The following TFEC variants were observed in gnomAD, a reference collection of about 807,000 sequenced individuals.
TFEC encodes transcription factor EC.
Under a neutral mutation model 41.6 loss-of-function variants are expected in TFEC, and 31 were observed. The observed-to-expected ratio is 0.74, with a 90% CI of 0.56 to 1.01. The LOEUF (loss-of-function observed/expected upper bound fraction) is 1.01. Ranked by LOEUF, TFEC falls within the 50% of genes least tolerant of loss-of-function variation. The pLI is 0.00. For missense variants in TFEC, 402 were observed against 404.1 expected, an observed-to-expected ratio of 0.99 and a Z score of 0.04; for synonymous variants, 143 against 140.6, an observed-to-expected ratio of 1.02 and a Z score of -0.12.
At chr7:115,958,456 G>C (rs146458515) in intron 3 of TFEC, among the ~76,000 whole-genome samples, 64 of 151,910 alleles carry the variant, frequency 4.2e-4, no homozygotes, top group Admixed American at 7.2e-4. Flanking sequence ...GAACAAAAAG[G>C]GAGTGAGGGG....
chr7:116,032,856 A>C (rs1030115827), upstream of TFEC, among the ~76,000 whole-genome samples: 1 of 152,162 alleles, frequency 6.6e-6, no homozygotes, highest in Non-Finnish European at 1.5e-5. Context: ...ATTTTTAAAA[A>C]TCATGCATGT....
At chr7:116,132,066 C>T (rs1046980844) in intron 1 of TFEC, among the ~76,000 whole-genome samples, 94 of 152,108 alleles carry the variant, frequency 6.2e-4, no homozygotes, top group African/African-American at 2.3e-3. Flanking sequence ...GAATGGTTGG[C>T]TTTTTTTCTT....
At chr7:116,121,979 G>A (rs986001856) in intron 1 of TFEC, among the ~76,000 whole-genome samples, 3 of 152,086 alleles carry the variant, frequency 2.0e-5, no homozygotes, top group African/African-American at 4.8e-5. Context: ...CTAATTTTCC[G>A]AACAGGTAAC....
chr7:115,968,571 C>T (rs1008319574), intron 3 of TFEC, among the ~76,000 whole-genome samples: 1 of 151,820 alleles, frequency 6.6e-6, no homozygotes, highest in African/African-American at 2.4e-5. Flanking sequence ...CTATGCACAA[C>T]CACGTCTCTG....
intron 3 of TFEC, among the ~76,000 whole-genome samples, chr7:116,100,297 A>G (rs935404007): frequency 2.0e-5 from 3 of 152,204 alleles, no homozygotes; most frequent in African/African-American, 7.2e-5. Context: ...AGCACTCTTA[A>G]AAGTTTAAAA....
chr7:115,991,550 A>T (rs938114965), intron 1 of TFEC, among the ~76,000 whole-genome samples: 1 of 152,178 alleles, frequency 6.6e-6, no homozygotes, highest in African/African-American at 2.4e-5. Context: ...GCAAATGGAA[A>T]ACAAAAAAAA....
Position 115,940,510 on chromosome 7 carries a change from T to C in TFEC, c.*41A>G. On this transcript the variant is annotated 3_prime_UTR_variant, in exon 8 of 8. Coordinates refer to ENST00000265440, the MANE Select transcript of TFEC (RefSeq NM_012252.4). ...AGAGCATAATTGCATAGCACCAGCATAGAATTGCTTTCCAGTTGATGAATT... is the reference window on the plus strand; with the variant it reads ...AGAGCATAATTGCATAGCACCAGCACAGAATTGCTTTCCAGTTGATGAATT... 6.4e-7 allele frequency: 1 copy of C among 1,561,814 alleles called. No homozygotes were observed. Among genetic ancestry groups the C allele is most frequent in the Non-Finnish European group, 8.7e-7 (1 of 1,152,744 alleles).
rs989997663 is a variant in TFEC, at chr7:116,147,458, G to A, written c.-69+12332C>T. On this transcript the variant is annotated intron_variant, in intron 1 of 8. Coordinates refer to the TFEC transcript ENST00000484212. ...CTAGGGTACATGTGCACAACGTGCA[G>A]GTTTATTACATATGTATACATATGC... 1.3e-5 allele frequency among the ~76,000 whole-genome samples: 2 copies of A among 152,064 alleles called. 1 individual carries two copies. Among genetic ancestry groups the A allele is most frequent in the African/African-American group, 4.8e-5 (2 of 41,400 alleles).
At chr7:116,110,970 C>T in intron 2 of TFEC, 3 of 1,109,620 alleles carry the variant, frequency 2.7e-6, no homozygotes, top group Non-Finnish European at 3.7e-6. Flanking sequence ...AAAACACATA[C>T]AAAATAATAT....
intron 3 of TFEC, among the ~76,000 whole-genome samples, chr7:116,093,857 A>G (rs890135062): frequency 6.6e-6 from 1 of 152,210 alleles, no homozygotes; most frequent in South Asian, 2.1e-4. Flanking sequence ...AAAATCAGTA[A>G]CAGAAATGTG....
At position 115,940,832 on chromosome 7, in the gene TFEC, C is replaced by G. The variant is rs1236936299; in HGVS notation, c.763G>C (p.Glu255Gln). Reference protein sequence around the residue: ...AHVTKQQSHPEQNSVDYCQQL... With the variant: ...AHVTKQQSHPQQNSVDYCQQL... ...TGGCAATAGTCTACTGAATTCTGCT[C>G]AGGATGGCTCTGCTGTTTGGTGACA... Residue 255 changes from glutamate to glutamine, a missense_variant, in exon 8 of 8, where the codon GAG becomes CAG. By Grantham distance (29) the Glu-to-Gln change is conservative (BLOSUM62 2). Coordinates refer to ENST00000265440, the MANE Select transcript of TFEC (RefSeq NM_012252.4). 2 of 1,613,370 alleles carry G rather than the reference C, an allele frequency of 1.2e-6. No homozygotes were observed. Among genetic ancestry groups the G allele is most frequent in the Non-Finnish European group, 1.7e-6 (2 of 1,179,608 alleles).
At chr7:116,042,906 A>G (rs1330287598) in intron 3 of TFEC, among the ~76,000 whole-genome samples, 2 of 152,188 alleles carry the variant, frequency 1.3e-5, no homozygotes, top group Non-Finnish European at 2.9e-5. Context: ...GAAATCTAAA[A>G]TAAACTTTCC....
At chr7:115,948,412 C>T (rs1446169026) in intron 6 of TFEC, among the ~76,000 whole-genome samples, 2 of 152,120 alleles carry the variant, frequency 1.3e-5, no homozygotes, top group Non-Finnish European at 2.9e-5. Flanking sequence ...GAATTTTAGA[C>T]CAATACACTT....
chr7:115,946,590 CTTCTTTCT>C (rs1030184791), intron 6 of TFEC, among the ~76,000 whole-genome samples: 2 of 144,872 alleles, frequency 1.4e-5, no homozygotes, highest in Non-Finnish European at 3.0e-5. Flanking sequence ...TTGCTCTTTC[CTTCTTTCT>C]TTCTTTCTTT....
intron 1 of TFEC, among the ~76,000 whole-genome samples, chr7:116,028,691 A>G (rs1795676805): frequency 6.6e-6 from 1 of 152,212 alleles, no homozygotes; most frequent in Non-Finnish European, 1.5e-5. Context: ...AAGAATCTGG[A>G]ATGTCTAATT....
At chr7:115,948,445 C>T (rs539959810) in intron 6 of TFEC, among the ~76,000 whole-genome samples, 2 of 152,162 alleles carry the variant, frequency 1.3e-5, no homozygotes, top group African/African-American at 4.8e-5. Context: ...TGCAAAAATC[C>T]TCAATAAAAT....
chr7:115,947,883 C>T (rs536081553), intron 6 of TFEC, among the ~76,000 whole-genome samples: 2 of 151,788 alleles, frequency 1.3e-5, no homozygotes, highest in East Asian at 1.9e-4. Context: ...CACAAAAAAC[C>T]CTTCAAAAAA....
At chr7:116,117,388 C>T (rs10246006) in intron 1 of TFEC, 97,389 of 151,572 alleles carry the variant, frequency 0.64, 32,090 homozygotes, top group African/African-American at 0.79. Flanking sequence ...CAGACCTCTC[C>T]GTGATTTTTG....
At chr7:116,124,061 G>A (rs1179309778) in intron 1 of TFEC, among the ~76,000 whole-genome samples, 1 of 152,066 alleles carries the variant, frequency 6.6e-6, no homozygotes, top group Non-Finnish European at 1.5e-5. Context: ...AAAGATTGCT[G>A]GAACTATATT....
Sources: allele counts gnomAD v4.1 joint callset (sites outside exome capture counted in the v4.1 genomes callset), GRCh38; gene constraint gnomAD v4.1.1; transcripts MANE v1.5; gene names NCBI Gene and HGNC (gene_info 2026-07-23, HGNC 2026-07-21).